Variants in C11orf65 observed in about 807,000 individuals in gnomAD.
The protein encoded by C11orf65 is chromosome 11 open reading frame 65.
Under a neutral mutation model 35.3 loss-of-function variants are expected in C11orf65, and 38 were observed. That is an observed-to-expected ratio of 1.08 (90% CI 0.83 to 1.41). The LOEUF (loss-of-function observed/expected upper bound fraction) is 1.41, where lower values mean the gene tolerates loss of function less well. Among genes scored for constraint, C11orf65 ranks in the 40% most tolerant of loss-of-function variants. The pLI is 0.00. For missense variants in C11orf65, 370 were observed against 367.1 expected (o/e 1.01, Z -0.06); for synonymous variants, 105 against 114.4 (o/e 0.92, Z 0.53).
At chr11:108,340,919 T>C (rs1274167210) in intron 2 of C11orf65, among the ~76,000 whole-genome samples, 1 of 152,208 alleles carries the variant, frequency 6.6e-6, no homozygotes, top group East Asian at 1.9e-4. Context: ...TTATTTTTTA[T>C]TGTATTGTTT....
chr11:108,361,528 CACTACCTG>C (rs2090755269), intron 2 of C11orf65, among the ~76,000 whole-genome samples: 1 of 152,022 alleles, frequency 6.6e-6, no homozygotes, highest in Non-Finnish European at 1.5e-5. Context: ...GGAGGCATCA[CACTACCTG>C]ACTTCAAACT....
chr11:108,374,213 GA>G (rs2091652875), intron 2 of C11orf65, among the ~76,000 whole-genome samples: 1 of 145,892 alleles, frequency 6.9e-6, no homozygotes, highest in Non-Finnish European at 1.5e-5. Flanking sequence ...CCTGACCCCT[GA>G]GCAGCCTAAC....
chr11:108,370,489 T>A (rs898042702), intron 2 of C11orf65, among the ~76,000 whole-genome samples: 1 of 151,380 alleles, frequency 6.6e-6, no homozygotes, highest in African/African-American at 2.5e-5. Context: ...CTTGCCTCAT[T>A]TTACTGGCTA....
rs1275154641 is a variant in C11orf65 at position 108,385,982 on chromosome 11, A to G, written c.732-7T>C. 6.2e-7 allele frequency: 1 copy of G among 1,611,076 alleles called. No homozygotes were observed. Among genetic ancestry groups the G allele is most frequent in the African/African-American group, 1.3e-5 (1 of 74,890 alleles). ...CTTCCAGCTGGCAATGTACCTAAGCACATTATATGAGGATTCATTAAATTT... is the reference window on the plus strand; with the variant it reads ...CTTCCAGCTGGCAATGTACCTAAGCGCATTATATGAGGATTCATTAAATTT... On this transcript the variant is annotated splice_region_variant and splice_polypyrimidine_tract_variant and intron_variant, in intron 7 of 8. Transcript: ENST00000393084.
chr11:108,403,500 C>T (rs1265706570), intron 6 of C11orf65, among the ~76,000 whole-genome samples: 1 of 136,230 alleles, frequency 7.3e-6, no homozygotes, highest in East Asian at 2.3e-4. Flanking sequence ...CGGTCTATGG[C>T]TTTTAATTTT....
intron 6 of C11orf65, among the ~76,000 whole-genome samples, chr11:108,401,171 T>G (rs188664073): frequency 2.0e-5 from 3 of 152,076 alleles, no homozygotes; most frequent in Admixed American, 2.0e-4. Flanking sequence ...AAGCTATTAC[T>G]TCATAGCTTG....
intron 2 of C11orf65, among the ~76,000 whole-genome samples, chr11:108,442,619 C>T (rs979756228): frequency 3.9e-5 from 6 of 152,210 alleles, no homozygotes; most frequent in Admixed American, 2.0e-4. Context: ...AGAATAACAG[C>T]GGATCTCTCA....
At chr11:108,331,167 T>G, downstream of C11orf65, 1 of 1,127,316 alleles carries the variant, frequency 8.9e-7, no homozygotes, top group Non-Finnish European at 1.1e-6. Flanking sequence ...TTGTCTTCCT[T>G]AGATTTTTTG....
At chr11:108,396,732 G>A (rs2092316656) in intron 6 of C11orf65, among the ~76,000 whole-genome samples, 1 of 151,760 alleles carries the variant, frequency 6.6e-6, no homozygotes, top group African/African-American at 2.4e-5. Context: ...TACTAGGGAG[G>A]CTGAGGCGGG....
At chr11:108,391,172 T>C (rs2092151217) in intron 7 of C11orf65, among the ~76,000 whole-genome samples, 1 of 152,212 alleles carries the variant, frequency 6.6e-6, no homozygotes, top group Non-Finnish European at 1.5e-5. Context: ...TTTCTTACAT[T>C]TCTTTACTTA....
At chr11:108,326,051 AT>A in intron 6 of C11orf65, 2 of 1,613,842 alleles carry the variant, frequency 1.2e-6, no homozygotes, top group South Asian at 2.2e-5. Context: ...TGTCATTTTC[AT>A]TTCAGCTCCC....
At chr11:108,443,204 A>T (rs148901628) in intron 2 of C11orf65, among the ~76,000 whole-genome samples, 2,000 of 152,324 alleles carry the variant, frequency 0.013, 52 homozygotes, top group African/African-American at 0.045. Flanking sequence ...GACTTACACC[A>T]ACAAAGATCA....
chr11:108,331,691 C>T lies in C11orf65; in HGVS notation c.300-124G>A. On this transcript the variant is annotated intron_variant, in intron 3 of 3. Coordinates refer to the C11orf65 transcript ENST00000524755. Reference sequence around the variant, plus strand: ...TTGTATTTTTTGTCTTCTCACATCACATAAGTTACTCATTTTCTCTCTCTA... The same window carrying T: ...TTGTATTTTTTGTCTTCTCACATCATATAAGTTACTCATTTTCTCTCTCTA... The T allele has an allele frequency of 3.0e-6, 4 of 1,335,632 alleles. No homozygotes were observed. In the East Asian group the frequency reaches 7.6e-5, roughly 25 times the overall value. 82.7% of individuals were successfully genotyped at this position (1,335,632 alleles called of 1,614,324 possible).
At chr11:108,399,639 T>C (rs1591467284) in intron 6 of C11orf65, among the ~76,000 whole-genome samples, 1 of 152,300 alleles carries the variant, frequency 6.6e-6, no homozygotes, top group South Asian at 2.1e-4. Context: ...GCGTAAGTAG[T>C]GGTTGCAGGA....
At chr11:108,452,079 C>T (rs904794277) in intron 2 of C11orf65, among the ~76,000 whole-genome samples, 1 of 151,788 alleles carries the variant, frequency 6.6e-6, no homozygotes, top group Non-Finnish European at 1.5e-5. Context: ...CAATACCATT[C>T]AGGACATAGG....
At position 108,308,997 on chromosome 11, in the gene C11orf65, C is replaced by T. The variant is rs892960117; in HGVS notation, c.715G>A (p.Val239Ile). The change falls in exon 7 of 7, where the codon GTC becomes ATC. Residue 239 changes from valine to isoleucine, a missense_variant. Physicochemically the swap from Val to Ile is conservative, Grantham distance 29. Transcript: ENST00000525729. ...TACCATTGGGGTAGAATGGTGTTGA[C>T]ATTAGCAGGAGTTGGAGAAGATAAA... 4.6e-6 allele frequency: 7 copies of T among 1,527,500 alleles called. No homozygotes were observed. The African/African-American group carries it at 6.9e-5, about 15-fold the overall frequency. 94.6% of individuals were successfully genotyped at this position (1,527,500 alleles called of 1,614,324 possible).
Position 108,334,963 on chromosome 11 carries a change from T to G in C11orf65, c.299+257A>C, listed in dbSNP as rs762092284. ...CTATTATCAATCATGTTTATACTTTTATTAGGTGGACCACACAGGAGAATA... is the reference window on the plus strand; with the variant it reads ...CTATTATCAATCATGTTTATACTTTGATTAGGTGGACCACACAGGAGAATA... On this transcript the variant is annotated intron_variant, in intron 3 of 3. Transcript: ENST00000524755. 1.9e-5 allele frequency: 30 copies of G among 1,611,538 alleles called. No homozygotes were observed. The highest frequency in any genetic ancestry group is 2.5e-5 in the Non-Finnish European group (29 of 1,177,690).
chr11:108,317,509 G>T lies in C11orf65; in HGVS notation c.641-8438C>A, dbSNP rs1591790360. Reference sequence around the variant, plus strand: ...TGGAGGAATATGCAGTGGGACCATTGCACTTCCGTCAGGTAAGAAATTTGA... The same window carrying T: ...TGGAGGAATATGCAGTGGGACCATTTCACTTCCGTCAGGTAAGAAATTTGA... On this transcript the variant is annotated intron_variant, in intron 6 of 6. Coordinates refer to the C11orf65 transcript ENST00000525729. 6.2e-7 allele frequency: 1 copy of T among 1,607,284 alleles called. No individual in the cohort carries two copies. The highest frequency in any genetic ancestry group is 1.4e-5 in the African/African-American group (1 of 73,418).
At chr11:108,357,929 A>G (rs1261521407) in intron 2 of C11orf65, among the ~76,000 whole-genome samples, 1 of 150,872 alleles carries the variant, frequency 6.6e-6, no homozygotes, top group Non-Finnish European at 1.5e-5. Context: ...CCAGCAACGG[A>G]ACAAAGCTGG....
Sources: allele counts gnomAD v4.1 joint callset (sites outside exome capture counted in the v4.1 genomes callset), GRCh38; gene constraint gnomAD v4.1.1; transcripts MANE v1.5; gene names NCBI Gene and HGNC (gene_info 2026-07-23, HGNC 2026-07-21).